RASGRF2: variants seen among roughly 807,000 people sequenced by gnomAD.
The protein encoded by RASGRF2 is ras-specific guanine nucleotide-releasing factor 2.
RASGRF2 carries 76 observed loss-of-function variants against 151.0 expected under a neutral mutation model. The ratio of observed to expected loss-of-function variants is 0.50; its 90% confidence interval spans 0.42 to 0.61. The LOEUF (loss-of-function observed/expected upper bound fraction) is 0.61, where lower values mean the gene tolerates loss of function less well. Ranked by LOEUF, RASGRF2 falls within the 20% of genes least tolerant of loss-of-function variation. The probability of loss-of-function intolerance (pLI) is 0.00; values close to 1 mark genes in which losing one functional copy is unlikely to be tolerated. For synonymous variants in RASGRF2, 504 were observed against 566.5 expected (o/e 0.89, Z 1.57); for missense variants, 1,148 against 1,564.6 (o/e 0.73, Z 4.49).
intron 18 of RASGRF2, among the ~76,000 whole-genome samples, chr5:81,200,143 C>T (rs1378176583): frequency 1.3e-5 from 2 of 151,784 alleles, no homozygotes; most frequent in Non-Finnish European, 1.5e-5. Context: ...TGGTGGCACA[C>T]ACCTGTAGTC....
chr5:80,983,784 C>T (rs1748388993), intron 1 of RASGRF2, among the ~76,000 whole-genome samples: 1 of 152,136 alleles, frequency 6.6e-6, no homozygotes, highest in South Asian at 2.1e-4. Flanking sequence ...CATAAAAGAG[C>T]TCAATAAATT....
At chr5:80,994,345 G>C (rs187858112) in intron 1 of RASGRF2, among the ~76,000 whole-genome samples, 2 of 129,288 alleles carry the variant, frequency 1.5e-5, no homozygotes, top group African/African-American at 3.0e-5. Context: ...CAGCCTGGGC[G>C]ACAGAGCGAC....
intron 1 of RASGRF2, among the ~76,000 whole-genome samples, chr5:80,996,599 T>C (rs546608171): frequency 1.7e-3 from 200 of 119,112 alleles, no homozygotes; most frequent in African/African-American, 6.1e-3. Context: ...TTTCTTTTTT[T>C]TTTTTTGACA....
chr5:81,025,924 A>G (rs944919692), intron 1 of RASGRF2, among the ~76,000 whole-genome samples: 24 of 151,878 alleles, frequency 1.6e-4, no homozygotes, highest in African/African-American at 5.8e-4. Flanking sequence ...TTTTTGCACG[A>G]TTAAACAAAC....
At chr5:81,118,959 A>G (rs1753232436) in intron 15 of RASGRF2, among the ~76,000 whole-genome samples, 1 of 152,180 alleles carries the variant, frequency 6.6e-6, no homozygotes, top group Admixed American at 6.5e-5. Context: ...ACCTCACCAG[A>G]ATTGCCTTTA....
intron 17 of RASGRF2, among the ~76,000 whole-genome samples, chr5:81,176,300 C>T (rs186499655): frequency 5.9e-5 from 9 of 152,266 alleles, no homozygotes; most frequent in Admixed American, 3.9e-4. Context: ...GCCATTCTCT[C>T]CTAAAATCAT....
intron 2 of RASGRF2, among the ~76,000 whole-genome samples, chr5:81,062,462 A>G (rs1055535097): frequency 1.3e-5 from 2 of 152,200 alleles, no homozygotes; most frequent in African/African-American, 4.8e-5. Flanking sequence ...AAGACATTTA[A>G]TGTGTTTTCA....
At position 81,073,375 on chromosome 5, in the gene RASGRF2, C is replaced by A. The variant is rs1342802032; in HGVS notation, c.810C>A (p.Leu270=). 1.9e-6 allele frequency: 3 copies of A among 1,614,048 alleles called. No homozygotes were observed. Among genetic ancestry groups the A allele is most frequent in the Admixed American group, 3.3e-5 (2 of 60,008 alleles). Reference sequence around the variant, plus strand: ...TCTACATCCTGGTCAATGGCTTTCTCCGGCCCCTGCGTATGGCCGCCAGCT... The same window carrying A: ...TCTACATCCTGGTCAATGGCTTTCTACGGCCCCTGCGTATGGCCGCCAGCT... ...HQLYILVNGF[L]RPLRMAASSK... The change falls in exon 5 of 27, where the codon CTC becomes CTA. Residue 270 remains leucine (L), a synonymous_variant. Coordinates refer to ENST00000265080, the MANE Select transcript of RASGRF2 (RefSeq NM_006909.3).
chr5:81,040,788 T>C (rs1750654556), intron 1 of RASGRF2, among the ~76,000 whole-genome samples: 1 of 152,236 alleles, frequency 6.6e-6, no homozygotes, highest in Non-Finnish European at 1.5e-5. Flanking sequence ...GGATTTTCCC[T>C]CAGCTTGGTT....
At chr5:81,017,645 C>A (rs1461260001) in intron 1 of RASGRF2, among the ~76,000 whole-genome samples, 1 of 152,174 alleles carries the variant, frequency 6.6e-6, no homozygotes, top group Non-Finnish European at 1.5e-5. Context: ...AAAAGATAGA[C>A]TCTATAAATG....
chr5:81,094,206 A>G (rs989921733), intron 10 of RASGRF2, 90 bp from the exon 11 acceptor site: 4 of 1,028,874 alleles, frequency 3.9e-6, no homozygotes, highest in South Asian at 1.5e-5. Flanking sequence ...GCTTTCTTCC[A>G]TGGCAACTTG....
intron 1 of RASGRF2, among the ~76,000 whole-genome samples, chr5:81,017,613 C>T (rs1276001016): frequency 6.6e-6 from 1 of 152,132 alleles, no homozygotes; most frequent in East Asian, 1.9e-4. Flanking sequence ...TGAACTTTAA[C>T]GTACTGTGTA....
At chr5:81,176,761 C>G (rs1046341397) in intron 17 of RASGRF2, among the ~76,000 whole-genome samples, 1 of 152,176 alleles carries the variant, frequency 6.6e-6, no homozygotes, top group Non-Finnish European at 1.5e-5. Context: ...TTTAACTTCT[C>G]ATTAGATGGG....
intron 5 of RASGRF2, among the ~76,000 whole-genome samples, chr5:81,079,032 A>G (rs546813193): frequency 1.6e-4 from 24 of 152,356 alleles, no homozygotes; most frequent in African/African-American, 5.8e-4. Flanking sequence ...AAGCACTCAC[A>G]TCGCCATGAC....
At chr5:81,191,493 A>G (rs1181701383) in intron 18 of RASGRF2, among the ~76,000 whole-genome samples, 1 of 152,160 alleles carries the variant, frequency 6.6e-6, no homozygotes, top group Non-Finnish European at 1.5e-5. Flanking sequence ...TTAGAGTTAA[A>G]CTCAAAGATA....
chr5:81,161,369 G>A (rs1370033449), intron 17 of RASGRF2, among the ~76,000 whole-genome samples: 1 of 152,250 alleles, frequency 6.6e-6, no homozygotes, highest in Non-Finnish European at 1.5e-5. Context: ...TACTGAGAGA[G>A]AAGGCCTCCT....
chr5:80,960,975 A>G lies in RASGRF2; in HGVS notation c.237A>G (p.Pro79=). 6.4e-7 allele frequency: 1 copy of G among 1,554,060 alleles called. No homozygotes were observed. Among genetic ancestry groups the G allele is most frequent in the Non-Finnish European group, 8.8e-7 (1 of 1,141,400 alleles). ...EGCSCERTPA[P]PRAGAGQGGV... is the part of the protein sequence containing the mutation. ...GCAGCTGCGAACGAACGCCCGCGCC[A>G]CCCAGGGCCGGCGCCGGGCAGGGAG... The change falls in exon 1 of 27, where the codon CCA becomes CCG. Residue 79 remains proline (P), a synonymous_variant. Transcript: ENST00000265080. The surrounding 1 kb of genome is among the most constrained non-coding windows in gnomAD (Gnocchi z 5.5).
chr5:81,017,006 GT>G (rs1219009333), intron 1 of RASGRF2, among the ~76,000 whole-genome samples: 4 of 152,166 alleles, frequency 2.6e-5, no homozygotes, highest in African/African-American at 9.7e-5. Flanking sequence ...GGGTCGTACT[GT>G]TTTTGTATGT....
intron 14 of RASGRF2, 24 bp from the exon 15 acceptor site, chr5:81,113,514 A>G (rs926619838): frequency 6.3e-7 from 1 of 1,578,970 alleles, no homozygotes; most frequent in East Asian, 2.2e-5. Context: ...ACAATCTCTT[A>G]GCCACTTTTG....
Sources: gnomAD v4.1 joint callset for allele counts (sites outside exome capture counted in the v4.1 genomes callset) on GRCh38, gnomAD v4.1.1 for gene constraint, Gnocchi (gnomAD v3.1) non-coding constraint, MANE v1.5 for transcripts, NCBI Gene and HGNC (gene_info 2026-07-23, HGNC 2026-07-21) for gene names.